PLPPR1: variants seen among roughly 807,000 people sequenced by gnomAD.
PLPPR1 encodes phospholipid phosphatase-related protein type 1.
PLPPR1 carries 10 observed loss-of-function variants against 33.1 expected under a neutral mutation model. That is an observed-to-expected ratio of 0.30 (90% confidence interval 0.19 to 0.51). The LOEUF (loss-of-function observed/expected upper bound fraction) is 0.51. Among genes scored for constraint, PLPPR1 ranks in the 20% least tolerant of loss-of-function variants. The pLI, the probability that PLPPR1 is intolerant of heterozygous loss-of-function variation, is 0.97. For missense variants in PLPPR1, 304 were observed against 408.1 expected, an observed-to-expected ratio of 0.74 and a Z score of 2.20; for synonymous variants, 151 against 151.0, an observed-to-expected ratio of 1.00 and a Z score of 0.00.
At chr9:101,046,120 CCTA>C (rs1310021818) in intron 1 of PLPPR1, among the ~76,000 whole-genome samples, 2 of 152,124 alleles carry the variant, frequency 1.3e-5, no homozygotes, top group African/African-American at 4.8e-5. Context: ...GCATTGAGGC[CCTA>C]CTAAACACAA....
chr9:101,283,727 G>A (rs920307657), intron 3 of PLPPR1, among the ~76,000 whole-genome samples: 8 of 151,900 alleles, frequency 5.3e-5, no homozygotes, highest in African/African-American at 1.9e-4. Context: ...CCTACAGAAT[G>A]GGAAAATGTA....
intron 2 of PLPPR1, among the ~76,000 whole-genome samples, chr9:101,245,835 T>A (rs982230279): frequency 6.6e-6 from 1 of 151,664 alleles, no homozygotes; most frequent in African/African-American, 2.4e-5. Context: ...GTCAGGGAAC[T>A]TCTCCAAGTA....
At chr9:101,039,735 AAC>A (rs1830053154) in intron 1 of PLPPR1, among the ~76,000 whole-genome samples, 2 of 152,028 alleles carry the variant, frequency 1.3e-5, no homozygotes, top group African/African-American at 4.8e-5. Flanking sequence ...TATACAGGGA[AAC>A]TCCTGTTTTT....
intron 1 of PLPPR1, among the ~76,000 whole-genome samples, chr9:101,040,680 C>T (rs1048601996): frequency 1.1e-4 from 16 of 152,210 alleles, no homozygotes; most frequent in Admixed American, 6.5e-4. Context: ...GTCTAAAACA[C>T]TCAGCCCATT....
intron 1 of PLPPR1, among the ~76,000 whole-genome samples, chr9:101,043,373 G>A (rs1830105371): frequency 6.7e-6 from 1 of 149,486 alleles, no homozygotes; most frequent in South Asian, 2.1e-4. Flanking sequence ...ATATACATAT[G>A]TATATACGTA....
intron 1 of PLPPR1, among the ~76,000 whole-genome samples, chr9:101,062,134 T>G (rs898453513): frequency 1.1e-4 from 17 of 151,376 alleles, no homozygotes; most frequent in African/African-American, 4.1e-4. Flanking sequence ...GCATTCACAG[T>G]TAATGACAAA....
intron 3 of PLPPR1, among the ~76,000 whole-genome samples, chr9:101,285,891 T>A (rs1828384897): frequency 6.6e-6 from 1 of 152,242 alleles, no homozygotes; most frequent in South Asian, 2.1e-4. Flanking sequence ...ATTTTAATAT[T>A]ATAGGCTGAA....
At chr9:101,119,822 A>G (rs1831157930) in intron 1 of PLPPR1, among the ~76,000 whole-genome samples, 1 of 151,970 alleles carries the variant, frequency 6.6e-6, no homozygotes, top group African/African-American at 2.4e-5. Context: ...TGGAATAATA[A>G]TCTCCTCCCC....
chr9:101,124,600 A>G (rs1256068285), intron 1 of PLPPR1, among the ~76,000 whole-genome samples: 1 of 152,234 alleles, frequency 6.6e-6, no homozygotes, highest in Admixed American at 6.5e-5. Context: ...GAGGCCACTG[A>G]TAATGAGAAA....
intron 1 of PLPPR1, among the ~76,000 whole-genome samples, chr9:101,167,185 T>TGTGTGTGTGTGTGTGTGTGTGTGTGTGTG (rs1491118695): frequency 1.2e-4 from 8 of 68,182 alleles, no homozygotes; most frequent in Admixed American, 2.8e-4. Context: ...TGTGTGTGTC[T>TGTGTGTGTGTGTGTGTGTGTGTGTGTGTG]TTCTCTCTCT....
Position 101,269,901 on chromosome 9 carries a change from G to C in PLPPR1, c.85G>C (p.Val29Leu), listed in dbSNP as rs1186319539. 1 of 1,614,156 alleles carries C rather than the reference G, an allele frequency of 6.2e-7. No individual in the cohort carries two copies. The highest frequency in any genetic ancestry group is 8.5e-7 in the Non-Finnish European group (1 of 1,180,022). The change falls in exon 3 of 8, where the codon GTG (valine) becomes CTG (leucine). Residue 29 changes from valine to leucine, a missense_variant. Val to Leu is a conservative substitution (Grantham distance 32). Transcript: ENST00000374874. ...FVELVIMAGTVLLAYYFECTD... is the reference protein window; with the variant it reads ...FVELVIMAGTLLLAYYFECTD... ...TCAGCTTGTCATCATGGCTGGGACA[G>C]TGCTGCTTGCCTACTACTTCGAATG... is the stretch of plus-strand genomic sequence containing the variant.
intron 4 of PLPPR1, among the ~76,000 whole-genome samples, chr9:101,305,029 A>C (rs1367447460): frequency 6.6e-6 from 1 of 152,124 alleles, no homozygotes; most frequent in East Asian, 1.9e-4. Context: ...GCCAATTCAG[A>C]GCGAACTCAT....
intron 3 of PLPPR1, among the ~76,000 whole-genome samples, chr9:101,281,067 A>C (rs942615101): frequency 2.7e-4 from 40 of 149,644 alleles, no homozygotes; most frequent in African/African-American, 9.9e-4. Flanking sequence ...ACATAAATTC[A>C]ATAAAATTTC....
chr9:101,109,258 G>A (rs1161320675), intron 1 of PLPPR1, among the ~76,000 whole-genome samples: 1 of 150,828 alleles, frequency 6.6e-6, no homozygotes, highest in African/African-American at 2.4e-5. Flanking sequence ...ACAGGTGTGA[G>A]CCACCGCGCC....
chr9:101,132,732 C>A (rs116157575), intron 1 of PLPPR1, among the ~76,000 whole-genome samples: 1,564 of 152,264 alleles, frequency 0.01, 26 homozygotes, highest in African/African-American at 0.03. Context: ...GATATTGTTA[C>A]TGGGGAAGGC....
chr9:101,252,207 T>G (rs184362237), intron 2 of PLPPR1, among the ~76,000 whole-genome samples: 1 of 152,298 alleles, frequency 6.6e-6, no homozygotes, highest in East Asian at 1.9e-4. Context: ...ACATTTCAAG[T>G]GCTCAAGAGC....
In PLPPR1 at chr9:101,109,795, C is replaced by T. The variant is rs12350752; in HGVS notation, c.-45-75655C>T. ...CAATACAGTTTGGAGTATTTGAGTA[C>T]GACCTTATATTTTAATAAATTTTCC... On this transcript the variant is annotated intron_variant, in intron 1 of 7. Transcript: ENST00000374874. 3.1e-3 allele frequency among the ~76,000 whole-genome samples: 468 copies of T among 152,036 alleles called. 8 individuals carry two copies. Among genetic ancestry groups the T allele is most frequent in the African/African-American group, 0.01 (435 of 41,468 alleles).
At chr9:101,112,684 T>C (rs1043228190) in intron 1 of PLPPR1, among the ~76,000 whole-genome samples, 1 of 152,220 alleles carries the variant, frequency 6.6e-6, no homozygotes, top group Non-Finnish European at 1.5e-5. Flanking sequence ...TGGGGAAATG[T>C]GGGAATGAGG....
chr9:101,143,351 G>A (rs1205332624), intron 1 of PLPPR1, among the ~76,000 whole-genome samples: 2 of 152,062 alleles, frequency 1.3e-5, no homozygotes, highest in African/African-American at 4.8e-5. Flanking sequence ...GCTATGGGCT[G>A]CATTGTGTCT....
Sources: allele counts gnomAD v4.1 joint callset (sites outside exome capture counted in the v4.1 genomes callset), GRCh38; gene constraint gnomAD v4.1.1; transcripts MANE v1.5; gene names NCBI Gene and HGNC (gene_info 2026-07-23, HGNC 2026-07-21).